The following NECAB3 variants were observed in gnomAD, a reference collection of about 807,000 sequenced individuals.
The protein encoded by NECAB3 is N-terminal EF-hand calcium binding protein 3, also known as N-terminal EF-hand calcium-binding protein 3.
A neutral mutation model predicts 57.2 loss-of-function variants in NECAB3; 38 were observed. The observed-to-expected ratio is 0.66, with a 90% confidence interval of 0.51 to 0.87. NECAB3 has a LOEUF of 0.87. Among genes scored for constraint, NECAB3 ranks in the 40% least tolerant of loss-of-function variants. NECAB3 has a pLI of 0.00. For missense variants in NECAB3, 474 were observed against 527.5 expected, an observed-to-expected ratio of 0.90 and a Z score of 0.99; for synonymous variants, 223 against 222.6, an observed-to-expected ratio of 1.00 and a Z score of -0.02.
chr20:33,668,055 G>C lies in NECAB3; in HGVS notation c.387+1320C>G, dbSNP rs1327514022. On this transcript the variant is annotated intron_variant, in intron 5 of 11. Coordinates refer to ENST00000246190, the MANE Select transcript of NECAB3 (RefSeq NM_031232.4). ...GCCTGGACAAGGAGCTGGAGGCGCA[G>C]TGCCGGCGGCACGGCTACGCGGCCC... The C allele has an allele frequency of 1.9e-6, 3 of 1,563,320 alleles. No individual in the cohort carries two copies. In the African/African-American group the frequency reaches 4.1e-5, roughly 21 times the overall value.
At chr20:33,666,898 G>C (rs1157385676) in intron 5 of NECAB3, 2 of 152,660 alleles carry the variant, frequency 1.3e-5, no homozygotes, top group Non-Finnish European at 2.9e-5. Context: ...CAGACCAGAG[G>C]GCGGAGCCAA....
intron 5 of NECAB3, chr20:33,663,949 G>T: frequency 8.0e-7 from 1 of 1,251,262 alleles, no homozygotes; most frequent in South Asian, 1.8e-5. Flanking sequence ...TCTGGGCGCG[G>T]AGTCGGGGTG....
At position 33,669,194 on chromosome 20, in the gene NECAB3, T is replaced by C; in HGVS notation, c.387+181A>G. 5.0e-6 allele frequency: 3 copies of C among 604,352 alleles called. No homozygotes were observed. In the South Asian group the frequency reaches 5.9e-5, roughly 12 times the overall value. 37.4% of individuals were successfully genotyped at this position (604,352 alleles called of 1,614,324 possible). ...ATGAAGGGCAGCTCTATTGTTATGA[T>C]GGTTTACAGATGAGGAAACAGGCCC... On this transcript the variant is annotated intron_variant, in intron 5 of 11. Coordinates refer to ENST00000246190, the MANE Select transcript of NECAB3 (RefSeq NM_031232.4).
chr20:33,663,810 C>G, intron 5 of NECAB3: 2 of 1,415,570 alleles, frequency 1.4e-6, no homozygotes, highest in South Asian at 1.5e-5. Context: ...CCCGCGAAGC[C>G]GGCCCCGCCG....
At chr20:33,670,597 C>G (rs1411101124) in intron 3 of NECAB3, 87 bp downstream of exon 3, 1 of 966,066 alleles carries the variant, frequency 1.0e-6, no homozygotes, top group Non-Finnish European at 1.6e-6. Context: ...CTTCCTCATC[C>G]TACAAAAGGA....
In NECAB3 at chr20:33,657,662, A is replaced by C. The variant is rs2017326814; in HGVS notation, c.*167T>G. On this transcript the variant is annotated 3_prime_UTR_variant, in exon 12 of 12. Coordinates refer to ENST00000246190, the MANE Select transcript of NECAB3 (RefSeq NM_031232.4). ...TACAGGGATAAATAAATCAATAATA[A>C]ATAGAAAGCAAGCAGCCCAGTCCCT... is the stretch of plus-strand genomic sequence containing the variant. 3.2e-6 allele frequency: 2 copies of C among 618,732 alleles called. No homozygotes were observed. Among genetic ancestry groups the C allele is most frequent in the Admixed American group, 3.4e-5 (1 of 29,504 alleles). 38.3% of individuals were successfully genotyped at this position (618,732 alleles called of 1,614,324 possible).
At chr20:33,668,887 T>C (rs1003723746) in intron 5 of NECAB3, among the ~76,000 whole-genome samples, 2 of 152,252 alleles carry the variant, frequency 1.3e-5, no homozygotes, top group African/African-American at 4.8e-5. Context: ...CTGTTCGAGC[T>C]TGTGTATACA....
chr20:33,668,086 C>A (rs747828198), intron 5 of NECAB3: 3 of 1,595,436 alleles, frequency 1.9e-6, no homozygotes, highest in African/African-American at 2.7e-5. Flanking sequence ...GGCCCTGCGG[C>A]CCCACCTGGT....
chr20:33,667,819 G>T, intron 5 of NECAB3: 1 of 1,612,254 alleles, frequency 6.2e-7, no homozygotes, highest in Non-Finnish European at 8.5e-7. Context: ...CAGTTTCAGC[G>T]TGGGTAACGG....
At chr20:33,671,812 G>C (rs1373688860) in intron 2 of NECAB3, among the ~76,000 whole-genome samples, 1 of 152,222 alleles carries the variant, frequency 6.6e-6, no homozygotes, top group African/African-American at 2.4e-5. Context: ...CTTTATCCTT[G>C]CCCAAGGCGT....
intron 5 of NECAB3, chr20:33,664,596 G>A (rs1294163830): frequency 1.3e-5 from 2 of 152,438 alleles, no homozygotes; most frequent in African/African-American, 2.4e-5. Flanking sequence ...CTTTCAACAG[G>A]TCTCCATTAC....
At chr20:33,672,981 G>A (rs2122527389) in intron 1 of NECAB3, among the ~76,000 whole-genome samples, 1 of 152,198 alleles carries the variant, frequency 6.6e-6, no homozygotes, top group South Asian at 2.1e-4. Flanking sequence ...AGGAGCAGCT[G>A]GGGTTAACTC....
intron 3 of NECAB3, chr20:33,670,317 G>A (rs145932238): frequency 1.0e-3 from 219 of 215,932 alleles, no homozygotes; most frequent in African/African-American, 4.7e-3. Flanking sequence ...CTGCCAAGAC[G>A]CGTAGATGTG....
At chr20:33,669,908 C>G (rs2017792020) in intron 3 of NECAB3, among the ~76,000 whole-genome samples, 196 bp from the exon 4 acceptor site, 1 of 152,192 alleles carries the variant, frequency 6.6e-6, no homozygotes, top group Non-Finnish European at 1.5e-5. Context: ...CCCCACCAAT[C>G]ACTCTAAGGG....
intron 5 of NECAB3, chr20:33,663,723 G>T (rs753894540): frequency 6.5e-7 from 1 of 1,537,838 alleles, no homozygotes; most frequent in Non-Finnish European, 8.7e-7. Context: ...AGGCGCGGCG[G>T]CCGGAAGAGG....
At chr20:33,672,267 G>A in intron 2 of NECAB3, 131 bp downstream of exon 2, 1 of 1,067,746 alleles carries the variant, frequency 9.4e-7, no homozygotes, top group Non-Finnish European at 1.4e-6. Context: ...TGCCTTGATT[G>A]ATTCTCCTGT....
intron 9 of NECAB3, 43 bp downstream of exon 9, chr20:33,658,679 C>A (rs937210839): frequency 6.9e-6 from 11 of 1,601,132 alleles, no homozygotes; most frequent in Admixed American, 1.7e-5. Flanking sequence ...TCTCTGCTCA[C>A]CCCCTCCCCA....
In NECAB3 at chr20:33,659,511, T is replaced by C; in HGVS notation, c.865A>G (p.Lys289Glu). 4 of 1,495,974 alleles carry C rather than the reference T, an allele frequency of 2.7e-6. No individual in the cohort carries two copies. The highest frequency in any genetic ancestry group is 3.6e-6 in the Non-Finnish European group (4 of 1,116,864). The allele number at this position is 1,495,974 out of a possible 1,614,324, so 92.7% of individuals were successfully genotyped here. The change falls in exon 8 of 12, where the codon AAG becomes GAG. Residue 289 changes from lysine (K) to glutamate (E), a missense_variant. Transcript: ENST00000246190. ...CCTGGGCTCACCAAGTCAGGCCCCT[T>C]GGCCAGGTCCTCTTCACGCAGGGGT... ...LEPLREEDLA[K>E]GPDLHILMAQ... is the part of the protein sequence containing the mutation.
rs868609756 is a variant in NECAB3, at chr20:33,659,552, T to C, written c.824A>G (p.Gln275Arg). 6.4e-7 allele frequency: 1 copy of C among 1,562,102 alleles called. No homozygotes were observed. Among genetic ancestry groups the C allele is most frequent in the African/African-American group, 1.4e-5 (1 of 73,642 alleles). Residue 275 changes from glutamine to arginine, a missense_variant, in exon 8 of 12, where the codon CAG (glutamine) becomes CGG (arginine). Transcript: ENST00000246190. ...ACGCAGGGGTTCCAGCCGGGGGGCC[T>C]GTGAGGGCACAGAGTGTGGGCCGGG... ...WRPGPHSVPS[Q>R]APRLEPLREE...
Sources: allele counts gnomAD v4.1 joint callset (sites outside exome capture counted in the v4.1 genomes callset), GRCh38; gene constraint gnomAD v4.1.1; transcripts MANE v1.5; gene names NCBI Gene and HGNC (gene_info 2026-07-23, HGNC 2026-07-21).